Variants in TSHZ2 observed in about 807,000 individuals in gnomAD.
TSHZ2 encodes teashirt zinc finger homeobox 2.
A neutral mutation model predicts 74.4 loss-of-function variants in TSHZ2; 21 were observed. The ratio of observed to expected loss-of-function variants is 0.28; its 90% CI spans 0.20 to 0.41. The LOEUF (loss-of-function observed/expected upper bound fraction) is 0.41, where lower values mean the gene tolerates loss of function less well. Ranked by LOEUF, TSHZ2 falls within the 10% of genes least tolerant of loss-of-function variation. The pLI, the probability that TSHZ2 is intolerant of heterozygous loss-of-function variation, is 1.00. For missense variants in TSHZ2, 1,244 were observed against 1,293.5 expected (o/e 0.96, Z 0.59); for synonymous variants, 540 against 515.3 (o/e 1.05, Z -0.65).
chr20:53,395,418 C>A (rs1021528129), intron 2 of TSHZ2, among the ~76,000 whole-genome samples: 3 of 152,178 alleles, frequency 2.0e-5, no homozygotes, highest in African/African-American at 7.2e-5. Flanking sequence ...CTGAGGTTTC[C>A]TACGTTTATT....
At chr20:53,314,781 C>G (rs1007326351) in intron 2 of TSHZ2, among the ~76,000 whole-genome samples, 1 of 152,028 alleles carries the variant, frequency 6.6e-6, no homozygotes, top group South Asian at 2.1e-4. Context: ...GCCACCACGC[C>G]TGGCTAATTT....
intron 2 of TSHZ2, among the ~76,000 whole-genome samples, chr20:53,447,351 A>G (rs1984593748): frequency 6.6e-6 from 1 of 152,190 alleles, no homozygotes; most frequent in Non-Finnish European, 1.5e-5. Flanking sequence ...AATGTGTCTG[A>G]TTGCTCTCCC....
At chr20:53,113,004 C>T (rs910887325) in intron 1 of TSHZ2, among the ~76,000 whole-genome samples, 4 of 152,162 alleles carry the variant, frequency 2.6e-5, no homozygotes, top group Non-Finnish European at 5.9e-5. Flanking sequence ...TGGCAGGACC[C>T]ATAATTTTCA....
chr20:53,002,246 GCA>G (rs1568714023), intron 1 of TSHZ2, among the ~76,000 whole-genome samples: 1 of 152,174 alleles, frequency 6.6e-6, no homozygotes, highest in Non-Finnish European at 1.5e-5. Flanking sequence ...CCAAGCTTCT[GCA>G]GCTGCTTAGA....
chr20:53,284,388 CA>C (rs1424891148), intron 2 of TSHZ2, among the ~76,000 whole-genome samples: 1 of 152,168 alleles, frequency 6.6e-6, no homozygotes, highest in Non-Finnish European at 1.5e-5. Flanking sequence ...CAGGCGGCGG[CA>C]GAAGCTGAAG....
At chr20:53,448,195 CAGCTG>C (rs1254116084) in intron 2 of TSHZ2, among the ~76,000 whole-genome samples, 2 of 152,168 alleles carry the variant, frequency 1.3e-5, no homozygotes, top group Admixed American at 6.5e-5. Context: ...TCGGGTGCTG[CAGCTG>C]AGGAAAGGGG....
At chr20:53,029,974 A>G (rs1476480230) in intron 1 of TSHZ2, among the ~76,000 whole-genome samples, 16 of 152,136 alleles carry the variant, frequency 1.1e-4, no homozygotes, top group Admixed American at 1.0e-3. Flanking sequence ...CATGCTTCTG[A>G]CTTCTGCTCT....
intron 1 of TSHZ2, among the ~76,000 whole-genome samples, chr20:53,233,505 T>G (rs1600757286): frequency 3.3e-5 from 5 of 152,188 alleles, no homozygotes; most frequent in Admixed American, 2.6e-4. Context: ...AGAAGAGAAC[T>G]GTAGCATTTT....
At chr20:53,102,004 CAATA>C (rs915041142) in intron 1 of TSHZ2, among the ~76,000 whole-genome samples, 1 of 149,630 alleles carries the variant, frequency 6.7e-6, no homozygotes, top group Non-Finnish European at 1.5e-5. Context: ...AATTTGGTAA[CAATA>C]AATAAGTCTC....
At chr20:53,006,914 T>C (rs186035269) in intron 1 of TSHZ2, among the ~76,000 whole-genome samples, 7 of 131,658 alleles carry the variant, frequency 5.3e-5, no homozygotes, top group African/African-American at 2.0e-4. Flanking sequence ...GAGTAGGAGT[T>C]GGGAGAGTTA....
At chr20:53,164,286 A>G (rs941516129) in intron 1 of TSHZ2, among the ~76,000 whole-genome samples, 2 of 152,176 alleles carry the variant, frequency 1.3e-5, no homozygotes, top group Non-Finnish European at 2.9e-5. Context: ...TAATCAATAC[A>G]CTACTACCAG....
intron 2 of TSHZ2, among the ~76,000 whole-genome samples, chr20:53,381,818 C>T (rs1425575073): frequency 6.6e-6 from 1 of 152,174 alleles, no homozygotes; most frequent in East Asian, 1.9e-4. Flanking sequence ...GTAGTAGGGA[C>T]TGCTCTTCCT....
In TSHZ2 at chr20:53,175,774, C is replaced by T. The variant is rs764980048; in HGVS notation, c.41-77725C>T. 4.5e-4 allele frequency among the ~76,000 whole-genome samples: 68 copies of T among 152,244 alleles called. No individual in the cohort carries two copies. The Middle Eastern group carries it at 0.01, about 23-fold the overall frequency. ...TTGCTTGGATTCAGATTGGTGGTAC[C>T]CCGACCTACAGACTTGGTTAGCATG... On this transcript the variant is annotated intron_variant, in intron 1 of 2. Coordinates refer to ENST00000371497, the MANE Select transcript of TSHZ2 (RefSeq NM_173485.6).
intron 1 of TSHZ2, among the ~76,000 whole-genome samples, chr20:53,054,907 G>A (rs1600668169): frequency 6.6e-6 from 1 of 152,102 alleles, no homozygotes; most frequent in African/African-American, 2.4e-5. Context: ...ATTTAAAGGA[G>A]GTGTTTTTGC....
In TSHZ2 at chr20:53,491,741, AG is replaced by A. The variant is rs1986452579; in HGVS notation, c.*4607del. On this transcript the variant is annotated 3_prime_UTR_variant, in exon 3 of 3. Transcript: ENST00000371497. ...TAGAATAGGACTGTTTTAAAATGCT[AG>A]TACCAGGTGGAACGCTATTTCTGCA... 6.6e-6 allele frequency: 1 copy of A among 152,228 alleles called. No individual in the cohort carries two copies. Among genetic ancestry groups the A allele is most frequent in the South Asian group, 2.1e-4 (1 of 4,834 alleles). 9.4% of individuals were successfully genotyped at this position (152,228 alleles called of 1,614,324 possible). A position where few individuals can be genotyped will look rare whatever the true frequency, so the allele number is the denominator to read the frequency against.
intron 2 of TSHZ2, among the ~76,000 whole-genome samples, chr20:53,477,729 A>G (rs1239468188): frequency 2.2e-5 from 3 of 137,366 alleles, no homozygotes; most frequent in Non-Finnish European, 4.6e-5. Context: ...CAGGCAACCT[A>G]CAAAATGGGA....
Position 53,475,132 on chromosome 20 carries a change from T to C in TSHZ2, c.*9-12012T>C, listed in dbSNP as rs1245668657. Among the ~76,000 whole-genome samples the C allele has an allele frequency of 9.2e-5, 13 of 140,576 alleles. 1 individual carries two copies. Among genetic ancestry groups the C allele is most frequent in the African/African-American group, 3.6e-4 (13 of 36,206 alleles). The allele number at this position is 140,576 out of a possible 152,430, so 92.2% of individuals were successfully genotyped here. On this transcript the variant is annotated intron_variant, in intron 2 of 2. Transcript: ENST00000371497. The stretch of plus-strand genomic sequence containing the variant: ...AAAGTCAGCAAGGATACCCAGGAAT[T>C]GAACTCAGCTCTGCACCAAGTGGAC...
chr20:53,102,496 G>A (rs946941571), intron 1 of TSHZ2, among the ~76,000 whole-genome samples: 4 of 148,930 alleles, frequency 2.7e-5, no homozygotes, highest in Non-Finnish European at 3.0e-5. Flanking sequence ...GAGGGGAGAG[G>A]AAGGAAGAAG....
rs147728828 is a variant in TSHZ2, at chr20:53,347,743, C to T, written c.*8+91172C>T. ...TCATTGTTTGCTGTACAGATCAATC[C>T]ATTGCCTAGGTATTAAGCCCAGAAT... is the stretch of plus-strand genomic sequence containing the variant. On this transcript the variant is annotated intron_variant, in intron 2 of 2. Coordinates refer to ENST00000371497, the MANE Select transcript of TSHZ2 (RefSeq NM_173485.6). Among the ~76,000 whole-genome samples the T allele has an allele frequency of 7.8e-3, 1,191 of 152,146 alleles. 12 individuals are homozygous for T. Among genetic ancestry groups the T allele is most frequent in the Middle Eastern group, 0.014 (4 of 294 alleles).
Sources: allele counts gnomAD v4.1 joint callset (sites outside exome capture counted in the v4.1 genomes callset), GRCh38; gene constraint gnomAD v4.1.1; transcripts MANE v1.5; gene names NCBI Gene and HGNC (gene_info 2026-07-23, HGNC 2026-07-21).